BABAM2: variants seen among roughly 807,000 people sequenced by gnomAD.
BABAM2 encodes BRISC and BRCA1-A complex member 2.
BABAM2 carries 31 observed loss-of-function variants against 54.7 expected under a neutral mutation model. That is an observed-to-expected ratio of 0.57 (90% CI 0.43 to 0.77). The LOEUF (loss-of-function observed/expected upper bound fraction) is 0.77, where lower values mean the gene tolerates loss of function less well. BABAM2 is among the 30% of genes least tolerant of loss of function. BABAM2 has a pLI of 0.00. For synonymous variants in BABAM2, 167 were observed against 162.9 expected, an observed-to-expected ratio of 1.03 and a Z score of -0.19; for missense variants, 364 against 455.8, an observed-to-expected ratio of 0.80 and a Z score of 1.83.
At chr2:28,026,917 A>T (rs13410018) in intron 5 of BABAM2, among the ~76,000 whole-genome samples, 41 of 29,464 alleles carry the variant, frequency 1.4e-3, no homozygotes, top group African/African-American at 2.3e-3. Context: ...AATATATATT[A>T]ATATATATAA....
intron 6 of BABAM2, among the ~76,000 whole-genome samples, chr2:28,124,678 C>T (rs1183663871): frequency 2.0e-5 from 3 of 152,138 alleles, no homozygotes; most frequent in South Asian, 2.1e-4. Context: ...TTTCCATATG[C>T]CAGATACTGT....
chr2:28,276,719 G>A (rs530326922), intron 10 of BABAM2, among the ~76,000 whole-genome samples: 8 of 152,260 alleles, frequency 5.3e-5, no homozygotes, highest in African/African-American at 1.4e-4. Flanking sequence ...ATATGTGTTC[G>A]TATATATGAA....
chr2:28,092,916 A>G (rs1392651493), intron 6 of BABAM2, among the ~76,000 whole-genome samples: 1 of 152,140 alleles, frequency 6.6e-6, no homozygotes, highest in Non-Finnish European at 1.5e-5. Context: ...CTGGGCACAT[A>G]GCACTGAGTG....
intron 7 of BABAM2, among the ~76,000 whole-genome samples, chr2:28,199,060 G>C (rs1024116831): frequency 2.6e-5 from 4 of 152,168 alleles, no homozygotes; most frequent in African/African-American, 9.7e-5. Flanking sequence ...CTGTTACCAT[G>C]GTTCTATCCC....
At chr2:27,909,405 A>G (rs1227144290) in intron 2 of BABAM2, among the ~76,000 whole-genome samples, 1 of 152,136 alleles carries the variant, frequency 6.6e-6, no homozygotes, top group African/African-American at 2.4e-5. Context: ...TGCCCATTAA[A>G]AAAGTTTTTT....
intron 10 of BABAM2, among the ~76,000 whole-genome samples, chr2:28,262,342 A>G (rs1188557909): frequency 1.3e-5 from 2 of 152,208 alleles, no homozygotes; most frequent in East Asian, 3.8e-4. Flanking sequence ...AAAGTGGCAT[A>G]TATTTGCTTT....
At chr2:28,261,218 G>C (rs6708090) in intron 10 of BABAM2, among the ~76,000 whole-genome samples, 1 of 151,626 alleles carries the variant, frequency 6.6e-6, no homozygotes, top group Admixed American at 6.6e-5. Flanking sequence ...CTGGGATTAC[G>C]GGCATGAGCC....
At chr2:28,073,455 G>T (rs1053344704) in intron 6 of BABAM2, among the ~76,000 whole-genome samples, 13 of 152,170 alleles carry the variant, frequency 8.5e-5, no homozygotes, top group African/African-American at 3.1e-4. Flanking sequence ...CCATGATCTT[G>T]CCAGTGCACT....
Position 28,099,850 on chromosome 2 carries a change from T to G in BABAM2, c.571-29421T>G, listed in dbSNP as rs368595763. Among the ~76,000 whole-genome samples the G allele has an allele frequency of 1.1e-4, 16 of 152,274 alleles. No individual in the cohort carries two copies. In the East Asian group the frequency reaches 3.1e-3, roughly 29 times the overall value. On this transcript the variant is annotated intron_variant, in intron 6 of 11. Transcript: ENST00000379624. ...GTTTGCTATTTCCCGATACCTCTCT[T>G]TTATCCTCTTGTGGTCTTGAATTTT...
chr2:27,896,968 C>G (rs1458731377), intron 2 of BABAM2: 1 of 156,000 alleles, frequency 6.4e-6, no homozygotes, highest in Non-Finnish European at 1.4e-5. Context: ...GCTGATTTTT[C>G]AAGGTCCTCG....
chr2:27,957,332 G>A (rs181667291), intron 3 of BABAM2, among the ~76,000 whole-genome samples: 1 of 152,286 alleles, frequency 6.6e-6, no homozygotes, highest in Non-Finnish European at 1.5e-5. Flanking sequence ...TTGAAGTACA[G>A]TATTTGATGG....
intron 7 of BABAM2, among the ~76,000 whole-genome samples, chr2:28,228,145 G>C (rs898464440): frequency 6.6e-6 from 1 of 152,168 alleles, no homozygotes; most frequent in African/African-American, 2.4e-5. Flanking sequence ...TCATCTTCTG[G>C]TATCTTTTCA....
At chr2:28,004,045 T>C (rs1241258456) in intron 4 of BABAM2, among the ~76,000 whole-genome samples, 2 of 150,340 alleles carry the variant, frequency 1.3e-5, no homozygotes, top group Non-Finnish European at 2.9e-5. Flanking sequence ...TTGGGTTATC[T>C]ACAAGAATGG....
At chr2:28,271,155 G>A (rs778666792) in intron 10 of BABAM2, among the ~76,000 whole-genome samples, 2 of 152,240 alleles carry the variant, frequency 1.3e-5, no homozygotes, top group African/African-American at 4.8e-5. Flanking sequence ...GGCAGTGTTT[G>A]AGATAAAAGG....
intron 3 of BABAM2, among the ~76,000 whole-genome samples, chr2:27,963,053 ATAGTGTT>A (rs1558621695): frequency 6.6e-6 from 1 of 152,228 alleles, no homozygotes; most frequent in Non-Finnish European, 1.5e-5. Flanking sequence ...AATTCCTTTT[ATAGTGTT>A]GATCTTTTTG....
intron 6 of BABAM2, among the ~76,000 whole-genome samples, chr2:28,047,646 T>A (rs544977540): frequency 6.6e-6 from 1 of 151,290 alleles, no homozygotes; most frequent in Non-Finnish European, 1.5e-5. Context: ...CTTATTTTCC[T>A]TGCCAGTCAG....
At chr2:28,008,564 C>T (rs1013590834) in intron 4 of BABAM2, among the ~76,000 whole-genome samples, 11 of 152,100 alleles carry the variant, frequency 7.2e-5, no homozygotes, top group Admixed American at 2.6e-4. Flanking sequence ...CAGGCTGAGG[C>T]GGTCAATTTG....
At position 27,903,723 on chromosome 2, in the gene BABAM2, C is replaced by T. The variant is rs577775048; in HGVS notation, c.128+9039C>T. ...ATGCCTTTTCTGTTTCAACTGAGCA[C>T]GTAGCATACGCTGTAGCTGTTATTT... On this transcript the variant is annotated intron_variant, in intron 2 of 11. Transcript: ENST00000379624. 1.5e-4 allele frequency among the ~76,000 whole-genome samples: 23 copies of T among 152,248 alleles called. No individual in the cohort carries two copies. The South Asian group carries it at 2.9e-3, about 19-fold the overall frequency.
chr2:28,178,354 G>C (rs529253311), intron 7 of BABAM2, among the ~76,000 whole-genome samples: 1 of 152,220 alleles, frequency 6.6e-6, no homozygotes, highest in South Asian at 2.1e-4. Context: ...AAGAACTTCA[G>C]AAGCTGTACA....
Sources: allele counts gnomAD v4.1 joint callset (sites outside exome capture counted in the v4.1 genomes callset), GRCh38; gene constraint gnomAD v4.1.1; transcripts MANE v1.5; gene names NCBI Gene and HGNC (gene_info 2026-07-23, HGNC 2026-07-21).